NEURL1: variants seen among roughly 807,000 people sequenced by gnomAD.
NEURL1 encodes the protein neuralized E3 ubiquitin protein ligase 1, also known as E3 ubiquitin-protein ligase NEURL1.
Under a neutral mutation model 41.2 loss-of-function variants are expected in NEURL1, and 26 were observed. The ratio of observed to expected loss-of-function variants is 0.63; its 90% CI spans 0.46 to 0.87. The LOEUF is 0.87. NEURL1 is among the 40% of genes least tolerant of loss of function. The probability of loss-of-function intolerance (pLI) is 0.00; values close to 1 mark genes in which losing one functional copy is unlikely to be tolerated. For synonymous variants in NEURL1, 400 were observed against 402.3 expected (o/e 0.99, Z 0.07); for missense variants, 761 against 871.1 (o/e 0.87, Z 1.59).
chr10:103,559,733 G>A (rs2035240680), intron 1 of NEURL1, among the ~76,000 whole-genome samples: 1 of 152,122 alleles, frequency 6.6e-6, no homozygotes, highest in South Asian at 2.1e-4. Flanking sequence ...GACGCTAAGG[G>A]CAGTACACCT....
intron 1 of NEURL1, among the ~76,000 whole-genome samples, chr10:103,533,404 T>C (rs1333335892): frequency 7.3e-5 from 11 of 150,874 alleles, no homozygotes; most frequent in Non-Finnish European, 8.9e-5. Context: ...AGTTTCACTC[T>C]TGTTGCCCAG....
intron 3 of NEURL1, among the ~76,000 whole-genome samples, chr10:103,583,705 C>CAA (rs1228630032): frequency 0.16 from 3,118 of 19,560 alleles, 997 homozygotes; most frequent in Non-Finnish European, 0.21. Context: ...GATCCTGTCT[C>CAA]AAAAAAAAAA....
intron 3 of NEURL1, among the ~76,000 whole-genome samples, chr10:103,577,028 C>T (rs1214752114): frequency 6.6e-6 from 1 of 152,216 alleles, no homozygotes; most frequent in Admixed American, 6.5e-5. Flanking sequence ...AATATTTACC[C>T]TCAGCTGTGG....
intron 1 of NEURL1, among the ~76,000 whole-genome samples, chr10:103,527,299 G>GT (rs1377269606): frequency 1.9e-4 from 21 of 112,084 alleles, no homozygotes; most frequent in Admixed American, 3.8e-4. Flanking sequence ...TTTTTTTTTT[G>GT]GTTTTTTTTT....
At chr10:103,495,943 A>G (rs1435228154) in intron 1 of NEURL1, among the ~76,000 whole-genome samples, 2 of 152,176 alleles carry the variant, frequency 1.3e-5, no homozygotes, top group Non-Finnish European at 2.9e-5. Context: ...CACTGTCTCT[A>G]CTAAAAATAC....
chr10:103,568,530 G>A (rs2035473013), intron 1 of NEURL1, among the ~76,000 whole-genome samples: 1 of 152,134 alleles, frequency 6.6e-6, no homozygotes, highest in Non-Finnish European at 1.5e-5. Context: ...GGCTCAGCAG[G>A]GTTTTAAAAA....
At chr10:103,571,941 G>A in intron 3 of NEURL1, 119 bp downstream of exon 3, 1 of 1,015,080 alleles carries the variant, frequency 9.9e-7, no homozygotes, top group Non-Finnish European at 1.4e-6. Flanking sequence ...TGGTGCCAAG[G>A]GGAACCGGGG....
intron 3 of NEURL1, among the ~76,000 whole-genome samples, chr10:103,576,636 G>A (rs2035672120): frequency 6.6e-6 from 1 of 152,176 alleles, no homozygotes; most frequent in Admixed American, 6.5e-5. Context: ...AGATCTCTCA[G>A]GCTGATCTGG....
intron 1 of NEURL1, among the ~76,000 whole-genome samples, chr10:103,555,751 T>C (rs961575516): frequency 6.6e-6 from 1 of 151,648 alleles, no homozygotes; most frequent in African/African-American, 2.4e-5. Flanking sequence ...TGCTGACTAG[T>C]CCCCAAGTGG....
rs148042488 is a variant in NEURL1, at chr10:103,545,095, C to T, written c.86-25777C>T. Among the ~76,000 whole-genome samples, 322 of 152,318 alleles carry T rather than the reference C, an allele frequency of 2.1e-3. 1 individual carries two copies. The highest frequency in any genetic ancestry group is 6.3e-3 in the African/African-American group (263 of 41,574). ...TTACTGGAAAGGGAAGAAAGGAAGGCGGCGGCAATGAGCCACGGATGAATG... is the reference window on the plus strand; with the variant it reads ...TTACTGGAAAGGGAAGAAAGGAAGGTGGCGGCAATGAGCCACGGATGAATG... On this transcript the variant is annotated intron_variant, in intron 1 of 5. Transcript: ENST00000369780. This position sits in a 1 kb window ranked among gnomAD's most constrained non-coding sequence, Gnocchi z 4.5.
chr10:103,494,501 G>A, intron 1 of NEURL1, 29 bp downstream of exon 1: 1 of 1,518,360 alleles, frequency 6.6e-7, no homozygotes, highest in Non-Finnish European at 8.8e-7. Context: ...CGCTGCTGGA[G>A]GACTGGGGCG....
In NEURL1 at chr10:103,558,208, C is replaced by T. The variant is rs192903602; in HGVS notation, c.86-12664C>T. 322 of 985,296 alleles carry T rather than the reference C, an allele frequency of 3.3e-4. No homozygotes were observed. Among genetic ancestry groups the T allele is most frequent in the South Asian group, 1.4e-3 (29 of 21,264 alleles). 61.0% of individuals were successfully genotyped at this position (985,296 alleles called of 1,614,324 possible). The stretch of plus-strand genomic sequence containing the variant: ...TATTTTCTTTAGGGCCTTGGACTTT[C>T]GGCTTGATTCGGGCCAAACATTTTG... On this transcript the variant is annotated intron_variant, in intron 1 of 5. Transcript: ENST00000369780. This position sits in a 1 kb window ranked among gnomAD's most constrained non-coding sequence, Gnocchi z 4.2.
At chr10:103,560,763 G>A (rs1483347747) in intron 1 of NEURL1, among the ~76,000 whole-genome samples, 2 of 152,166 alleles carry the variant, frequency 1.3e-5, no homozygotes, top group African/African-American at 2.4e-5. Flanking sequence ...GCACCAGTGC[G>A]ACAGATCTGA....
In NEURL1 at chr10:103,558,272, A is replaced by T. The variant is rs993910556; in HGVS notation, c.86-12600A>T. On this transcript the variant is annotated intron_variant, in intron 1 of 5. Transcript: ENST00000369780. This position sits in a 1 kb window ranked among gnomAD's most constrained non-coding sequence, Gnocchi z 4.2. ...AAGTGAGTGAGGGGAGGGTGACAGG[A>T]GGACCCAGGACTCTGTATGTGTGTC... 8.1e-6 allele frequency: 8 copies of T among 984,010 alleles called. No homozygotes were observed. The African/African-American group carries it at 1.4e-4, about 17-fold the overall frequency. 61.0% of individuals were successfully genotyped at this position (984,010 alleles called of 1,614,324 possible). A position where few individuals can be genotyped will look rare whatever the true frequency, so the allele number is the denominator to read the frequency against.
chr10:103,566,358 TGTA>T lies in NEURL1; in HGVS notation c.86-4511_86-4509del, dbSNP rs2035424048. Among the ~76,000 whole-genome samples, 1 of 152,190 alleles carries T rather than the reference TGTA, an allele frequency of 6.6e-6. No individual in the cohort carries two copies. The highest frequency in any genetic ancestry group is 6.5e-5 in the Admixed American group (1 of 15,276). On this transcript the variant is annotated intron_variant, in intron 1 of 5. Coordinates refer to ENST00000369780, the MANE Select transcript of NEURL1 (RefSeq NM_004210.5). This position sits in a 1 kb window ranked among gnomAD's most constrained non-coding sequence, Gnocchi z 4.2. ...CATAAAAACTTCCTTCCTGCCTCTT[TGTA>T]GTCAAATCTCTCCCCTACTCTCCTT...
intron 1 of NEURL1, among the ~76,000 whole-genome samples, chr10:103,561,145 A>G (rs776170887): frequency 6.6e-6 from 1 of 152,192 alleles, no homozygotes; most frequent in Non-Finnish European, 1.5e-5. Context: ...ACACCGTGGC[A>G]GCTGGCTTCC....
intron 1 of NEURL1, among the ~76,000 whole-genome samples, chr10:103,524,467 A>G (rs1248144873): frequency 6.6e-6 from 1 of 152,078 alleles, no homozygotes; most frequent in African/African-American, 2.4e-5. Context: ...TCATTTGTCT[A>G]CTTTTGCTTT....
At chr10:103,583,376 T>TA (rs937272292) in intron 3 of NEURL1, among the ~76,000 whole-genome samples, 1 of 151,936 alleles carries the variant, frequency 6.6e-6, no homozygotes, top group Non-Finnish European at 1.5e-5. Flanking sequence ...ATATAAAAGG[T>TA]AAAAAACAAG....
In NEURL1 at chr10:103,493,799, G is replaced by A. The variant is rs961173769; in HGVS notation, c.-589G>A. Among the ~76,000 whole-genome samples the A allele has an allele frequency of 9.2e-5, 14 of 151,846 alleles. No homozygotes were observed. The highest frequency in any genetic ancestry group is 2.1e-4 in the Non-Finnish European group (14 of 67,918). ...CGGGGGGCGGGGGCGGCGGTCGCAG[G>A]AGGGACCCGGCGCGGGCGGGACCGC... is the stretch of plus-strand genomic sequence containing the variant. On this transcript the variant is annotated 5_prime_UTR_variant, in exon 1 of 6. Coordinates refer to ENST00000369780, the MANE Select transcript of NEURL1 (RefSeq NM_004210.5).
Sources: gnomAD v4.1 joint callset for allele counts (sites outside exome capture counted in the v4.1 genomes callset) on GRCh38, gnomAD v4.1.1 for gene constraint, Gnocchi (gnomAD v3.1) non-coding constraint, MANE v1.5 for transcripts, NCBI Gene and HGNC (gene_info 2026-07-23, HGNC 2026-07-21) for gene names.